The following ZNF451 variants were observed in gnomAD, a reference collection of about 807,000 sequenced individuals.
ZNF451 encodes the protein zinc finger protein 451, also known as E3 SUMO-protein ligase ZNF451.
In ZNF451, 80 loss-of-function variants were observed where a neutral mutation model predicts 107.1. The observed-to-expected ratio is 0.75, with a 90% confidence interval of 0.62 to 0.90. ZNF451 has a LOEUF of 0.90. Among genes scored for constraint, ZNF451 ranks in the 40% least tolerant of loss-of-function variants. The pLI, the probability that ZNF451 is intolerant of heterozygous loss-of-function variation, is 0.00. For missense variants in ZNF451, 1,107 were observed against 1,236.2 expected (o/e 0.90, Z 1.57); for synonymous variants, 362 against 406.5 (o/e 0.89, Z 1.32).
intron 12 of ZNF451, among the ~76,000 whole-genome samples, chr6:57,153,099 C>T (rs1337900545): frequency 1.3e-5 from 2 of 152,140 alleles, no homozygotes; most frequent in African/African-American, 2.4e-5. Flanking sequence ...TGTGAATTTA[C>T]TCTGCAAACT....
Position 57,124,465 on chromosome 6 carries a change from C to A in ZNF451, c.187-269C>A, listed in dbSNP as rs776859217. The A allele has an allele frequency of 3.1e-5, 22 of 716,740 alleles. No homozygotes were observed. In the South Asian group the frequency reaches 3.1e-4, roughly 10 times the overall value. The allele number at this position is 716,740 out of a possible 1,614,324, so 44.4% of individuals were successfully genotyped here. ...TTGCCTGATGACCCTACCTCTCTGA[C>A]AGATCTGAGAAGAGTTTACTCTTCA... On this transcript the variant is annotated intron_variant, in intron 3 of 14. Coordinates refer to ENST00000370706, the MANE Select transcript of ZNF451 (RefSeq NM_001031623.3).
intron 3 of ZNF451, 192 bp downstream of exon 3, chr6:57,099,333 A>C: frequency 1.6e-6 from 1 of 643,544 alleles, no homozygotes; most frequent in Non-Finnish European, 2.8e-6. Flanking sequence ...ACTTTGAATG[A>C]GATTATGAAA....
intron 3 of ZNF451, among the ~76,000 whole-genome samples, chr6:57,110,149 T>C (rs1007049495): frequency 6.6e-6 from 1 of 152,118 alleles, no homozygotes; most frequent in African/African-American, 2.4e-5. Context: ...GAGCCAGACA[T>C]TCAGCTGGAG....
At chr6:57,097,332 A>G (rs1311895964) in intron 2 of ZNF451, among the ~76,000 whole-genome samples, 1 of 152,136 alleles carries the variant, frequency 6.6e-6, no homozygotes, top group Middle Eastern at 3.2e-3. Context: ...TATCTTTGAG[A>G]CTGGATGCCT....
chr6:57,109,478 T>G, intron 3 of ZNF451: 1 of 985,476 alleles, frequency 1.0e-6, no homozygotes, highest in Non-Finnish European at 1.2e-6. Flanking sequence ...GAAAGTACTT[T>G]GACAACACAC....
Position 57,128,809 on chromosome 6 carries a change from A to T in ZNF451, c.393A>T (p.Arg131Ser). The change falls in exon 5 of 15, where the codon AGA becomes AGT. Residue 131 changes from arginine to serine, a missense_variant. Arg to Ser is a moderately radical substitution (Grantham distance 110). Coordinates refer to ENST00000370706, the MANE Select transcript of ZNF451 (RefSeq NM_001031623.3). ...IRGHSDTEAA[R>S]LCVDQWLKMP... ...GACATTCTGATACAGAAGCAGCAAG[A>T]CTGTGTGTGGACCAGTGGCTAAAAA... 6.2e-7 allele frequency: 1 copy of T among 1,612,972 alleles called. No individual in the cohort carries two copies.
chr6:57,158,633 A>C, intron 13 of ZNF451: 1 of 985,392 alleles, frequency 1.0e-6, no homozygotes, highest in Non-Finnish European at 1.2e-6. Flanking sequence ...TGCTTCCTCT[A>C]CCTTTCACTT....
intron 3 of ZNF451, chr6:57,099,567 T>A: frequency 1.4e-6 from 1 of 714,380 alleles, no homozygotes; most frequent in Non-Finnish European, 2.6e-6. Flanking sequence ...CTTTTAGGAA[T>A]GGAAAGTGGG....
rs1830850027 is a variant in ZNF451, at chr6:57,124,848, A to G, written c.301A>G (p.Arg101Gly). 1 of 1,601,096 alleles carries G rather than the reference A, an allele frequency of 6.2e-7. No individual in the cohort carries two copies. The highest frequency in any genetic ancestry group is 1.7e-5 in the Admixed American group (1 of 58,822). The change falls in exon 4 of 15, where the codon AGA becomes GGA. Residue 101 changes from arginine to glycine, a missense_variant. Around this residue, in one of 5 missense-constraint regions of ZNF451, gnomAD observed 339 missense variants for 372.8 expected, o/e 0.91. Coordinates refer to ENST00000370706, the MANE Select transcript of ZNF451 (RefSeq NM_001031623.3). ...GAAACAGCAGAAAGAAGAGAAGAAT[A>G]GAGCATTCAGAGTATGTGCTATTTT... ...VEKQQKEEKN[R>G]AFREKIDFQH...
intron 14 of ZNF451, among the ~76,000 whole-genome samples, 155 bp downstream of exon 14, chr6:57,161,307 A>T (rs1454881290): frequency 1.3e-5 from 2 of 152,114 alleles, no homozygotes; most frequent in Non-Finnish European, 2.9e-5. Context: ...TTCATGTAAG[A>T]TGACTTAGGG....
chr6:57,146,263 T>C (rs1460018318), intron 9 of ZNF451, among the ~76,000 whole-genome samples: 1 of 152,200 alleles, frequency 6.6e-6, no homozygotes, highest in Non-Finnish European at 1.5e-5. Context: ...TTTCTTTTGC[T>C]ATGCTTAAGC....
At chr6:57,095,457 C>G (rs960112752) in intron 2 of ZNF451, among the ~76,000 whole-genome samples, 3 of 151,006 alleles carry the variant, frequency 2.0e-5, no homozygotes, top group Non-Finnish European at 4.4e-5. Context: ...CTCAGCCTCC[C>G]AAATAGCTGG....
In ZNF451 at chr6:57,136,818, T is replaced by G. The variant is rs117913740; in HGVS notation, c.702+1948T>G. ...TCCCCAAATTTCATTAATTTGTTTT[T>G]TCTTTTTTCTCGGAATCACACATTC... On this transcript the variant is annotated intron_variant, in intron 7 of 14. Coordinates refer to ENST00000370706, the MANE Select transcript of ZNF451 (RefSeq NM_001031623.3). Among the ~76,000 whole-genome samples, 74 of 152,320 alleles carry G rather than the reference T, an allele frequency of 4.9e-4. No homozygotes were observed. The East Asian group carries it at 0.01, about 21-fold the overall frequency.
chr6:57,133,770 G>T (rs1831296297), intron 6 of ZNF451, among the ~76,000 whole-genome samples: 1 of 152,054 alleles, frequency 6.6e-6, no homozygotes, highest in Non-Finnish European at 1.5e-5. Context: ...GGGCTCAAGG[G>T]ATCCTCCCAT....
rs980369056 is a variant in ZNF451 at position 57,169,285 on chromosome 6, T to G, written c.*816T>G. Reference sequence around the variant, plus strand: ...TCTTCAAGAAATAATGTTGAAAGCCTACTCAGGAATAATCTTCCTTAACTC... The same window carrying G: ...TCTTCAAGAAATAATGTTGAAAGCCGACTCAGGAATAATCTTCCTTAACTC... On this transcript the variant is annotated 3_prime_UTR_variant, in exon 15 of 15. Transcript: ENST00000370706. 1 of 152,194 alleles carries G rather than the reference T, an allele frequency of 6.6e-6. No individual in the cohort carries two copies. The highest frequency in any genetic ancestry group is 2.4e-5 in the African/African-American group (1 of 41,466). 9.4% of individuals were successfully genotyped at this position (152,194 alleles called of 1,614,324 possible).
chr6:57,130,914 A>G (rs1052206749), intron 5 of ZNF451, among the ~76,000 whole-genome samples: 5 of 152,148 alleles, frequency 3.3e-5, no homozygotes, highest in Admixed American at 6.6e-5. Context: ...CTCTGAGGCA[A>G]TGTAAAAATA....
Position 57,102,622 on chromosome 6 carries a change from A to G in ZNF451, c.186+3481A>G, listed in dbSNP as rs1376834046. ...AAATGTCTTTATGTCAAGATGGTCA[A>G]CTCACCAAGAGTCCGTACTACTATC... On this transcript the variant is annotated intron_variant, in intron 3 of 14. Coordinates refer to ENST00000370706, the MANE Select transcript of ZNF451 (RefSeq NM_001031623.3). 6.1e-6 allele frequency: 6 copies of G among 986,086 alleles called. No individual in the cohort carries two copies. In the Admixed American group the frequency reaches 2.4e-4, roughly 40 times the overall value. The allele number at this position is 986,086 out of a possible 1,614,324, so 61.1% of individuals were successfully genotyped here.
intron 13 of ZNF451, among the ~76,000 whole-genome samples, chr6:57,156,142 T>C (rs1284579081): frequency 6.6e-6 from 1 of 152,172 alleles, no homozygotes; most frequent in Non-Finnish European, 1.5e-5. Flanking sequence ...TTATTATTAC[T>C]ACCATAAAAA....
chr6:57,162,537 TTAGCAGCC>T (rs1763713300), intron 14 of ZNF451, among the ~76,000 whole-genome samples: 1 of 152,214 alleles, frequency 6.6e-6, no homozygotes, highest in South Asian at 2.1e-4. Context: ...AGCTCAACGC[TTAGCAGCC>T]ACATAATGAT....
Sources: gnomAD v4.1 joint callset for allele counts (sites outside exome capture counted in the v4.1 genomes callset) on GRCh38, gnomAD v4.1.1 for gene constraint, gnomAD v4.1.1 regional missense constraint, MANE v1.5 for transcripts, NCBI Gene and HGNC (gene_info 2026-07-23, HGNC 2026-07-21) for gene names.